Variants in KDELR1 observed in about 807,000 individuals in gnomAD.
KDELR1 encodes KDEL endoplasmic reticulum protein retention receptor 1.
KDELR1 carries 16 observed loss-of-function variants against 25.5 expected under a neutral mutation model. The ratio of observed to expected loss-of-function variants is 0.63; its 90% CI spans 0.43 to 0.95. The LOEUF (loss-of-function observed/expected upper bound fraction) is 0.95, where lower values mean the gene tolerates loss of function less well. Ranked by LOEUF, KDELR1 falls within the 40% of genes least tolerant of loss-of-function variation. The probability of loss-of-function intolerance (pLI) is 0.00; values close to 1 mark genes in which losing one functional copy is unlikely to be tolerated. For synonymous variants in KDELR1, 121 were observed against 115.0 expected, an observed-to-expected ratio of 1.05 and a Z score of -0.33; for missense variants, 159 against 265.2, an observed-to-expected ratio of 0.60 and a Z score of 2.78.
Position 48,384,474 on chromosome 19 carries a change from C to A in KDELR1, c.360G>T (p.Trp120Cys). 1 of 1,612,840 alleles carries A rather than the reference C, an allele frequency of 6.2e-7. No homozygotes were observed. Among genetic ancestry groups the A allele is most frequent in the Non-Finnish European group, 8.5e-7 (1 of 1,179,532 alleles). The change falls in exon 4 of 5, where the codon TGG (tryptophan) becomes TGT (cysteine). Residue 120 changes from tryptophan to cysteine, a missense_variant. By Grantham distance (215) the Trp-to-Cys change is radical. Transcript: ENST00000330720. This position sits in a 1 kb window ranked among gnomAD's most constrained non-coding sequence, Gnocchi z 4.6. ...CTGACTCCAGGTAGATGGAGAAGGT[C>A]CAGAGGATCTGCAGAGAGGCCGGGG... ...NHDFTPLEILWTFSIYLESVA... is the reference protein window; with the variant it reads ...NHDFTPLEILCTFSIYLESVA...
At chr19:48,396,888 G>GC in the KDELR1 span, among the ~76,000 whole-genome samples, 1 of 152,076 alleles carries the variant, frequency 6.6e-6, no homozygotes, top group Non-Finnish European at 1.5e-5. Context: ...CCTTCTGGAA[G>GC]CCCCTAGTGC....
Position 48,384,155 on chromosome 19 carries a change from A to C in KDELR1, c.604+75T>G. The stretch of plus-strand genomic sequence containing the variant: ...TTCTTTGCATAATACAGGGGTAAGG[A>C]GACCCCAGTCCCCAGGGAGGGCAGG... On this transcript the variant is annotated intron_variant, in intron 4 of 4. Transcript: ENST00000330720. The surrounding 1 kb of genome is among the most constrained non-coding windows in gnomAD (Gnocchi z 4.6). 1.9e-6 allele frequency: 3 copies of C among 1,559,048 alleles called. No individual in the cohort carries two copies. The highest frequency in any genetic ancestry group is 2.6e-6 in the Non-Finnish European group (3 of 1,139,854).
At chr19:48,394,231 GA>G (rs1388258719), upstream of KDELR1, among the ~76,000 whole-genome samples, 3 of 151,974 alleles carry the variant, frequency 2.0e-5, no homozygotes, top group Admixed American at 2.0e-4. This position sits in a 1 kb window ranked among gnomAD's most constrained non-coding sequence, Gnocchi z 5.1. Context: ...TGGGGGTGTT[GA>G]GGGGGAATCC....
At chr19:48,395,554 G>A (rs777245371), upstream of KDELR1, among the ~76,000 whole-genome samples, 2 of 152,006 alleles carry the variant, frequency 1.3e-5, no homozygotes, top group Non-Finnish European at 2.9e-5. Flanking sequence ...AGCACAACTC[G>A]AGGTTGTGGG....
upstream of KDELR1, among the ~76,000 whole-genome samples, chr19:48,394,341 G>T (rs1236725048): frequency 6.6e-6 from 1 of 151,252 alleles, no homozygotes; most frequent in Non-Finnish European, 1.5e-5. This position sits in a 1 kb window ranked among gnomAD's most constrained non-coding sequence, Gnocchi z 5.1. Context: ...GTGGCCAAGC[G>T]AGGAAGGGGC....
upstream of KDELR1, among the ~76,000 whole-genome samples, chr19:48,392,716 C>T (rs1176435526): frequency 1.3e-5 from 2 of 152,204 alleles, no homozygotes; most frequent in Non-Finnish European, 2.9e-5. Flanking sequence ...CTGACCCAAA[C>T]TACCTCAGGA....
chr19:48,389,814 AC>A (rs1351785975), intron 2 of KDELR1, 103 bp from the exon 3 acceptor site: 1 of 1,155,860 alleles, frequency 8.7e-7, no homozygotes, highest in Non-Finnish European at 1.2e-6. Flanking sequence ...AGGAGTCCAG[AC>A]CCCCAACCCC....
chr19:48,396,342 G>A (rs900270335), upstream of KDELR1, among the ~76,000 whole-genome samples: 1 of 151,914 alleles, frequency 6.6e-6, no homozygotes, highest in Admixed American at 6.5e-5. Flanking sequence ...AACTGAGCAT[G>A]CAGCCCCCGT....
Position 48,384,667 on chromosome 19 carries a change from G to A in KDELR1, c.352-185C>T, listed in dbSNP as rs979386298. On this transcript the variant is annotated intron_variant, in intron 3 of 4. Transcript: ENST00000330720. This position sits in a 1 kb window ranked among gnomAD's most constrained non-coding sequence, Gnocchi z 4.6. The stretch of plus-strand genomic sequence containing the variant: ...TCTGATTTAATCATCACCATGGCCC[G>A]GCGAGGAGATCCTATGATTAGCACA... Among the ~76,000 whole-genome samples, 10 of 152,106 alleles carry A rather than the reference G, an allele frequency of 6.6e-5. No individual in the cohort carries two copies. The highest frequency in any genetic ancestry group is 2.2e-4 in the African/African-American group (9 of 41,408).
chr19:48,383,822 T>A (rs1970474417), intron 4 of KDELR1, among the ~76,000 whole-genome samples: 1 of 152,144 alleles, frequency 6.6e-6, no homozygotes, highest in Non-Finnish European at 1.5e-5. Flanking sequence ...TCTTTACTTG[T>A]TCATTCACCA....
chr19:48,383,384 C>G, intron 4 of KDELR1, 57 bp from the exon 5 acceptor site: 2 of 1,464,488 alleles, frequency 1.4e-6, no homozygotes, highest in Non-Finnish European at 1.9e-6. Flanking sequence ...AGGGAGGGGA[C>G]AGCCTCCCAC....
At chr19:48,389,348 C>CTTAG (rs1970522473) in intron 3 of KDELR1, 1 of 595,284 alleles carries the variant, frequency 1.7e-6, no homozygotes, top group East Asian at 2.8e-5. Context: ...AGGTGAAATG[C>CTTAG]TTAGGGTAGT....
At chr19:48,390,886 C>T (rs1403260977) in intron 1 of KDELR1, 2 of 437,688 alleles carry the variant, frequency 4.6e-6, no homozygotes, top group Admixed American at 7.5e-5. Context: ...GGAGGACCTT[C>T]CCTGACCTCA....
upstream of KDELR1, among the ~76,000 whole-genome samples, chr19:48,393,558 G>A (rs536115760): frequency 6.6e-6 from 1 of 152,150 alleles, no homozygotes; most frequent in Non-Finnish European, 1.5e-5. This position sits in a 1 kb window ranked among gnomAD's most constrained non-coding sequence, Gnocchi z 5.6. Context: ...AGCTAGGGGT[G>A]GGGGGCGGCC....
chr19:48,390,968 A>C (rs1600959852), intron 1 of KDELR1: 1 of 493,466 alleles, frequency 2.0e-6, no homozygotes, highest in Admixed American at 3.4e-5. Flanking sequence ...ACTCACAGCC[A>C]CCTCCCCGCC....
chr19:48,394,183 G>C (rs1366510668), upstream of KDELR1, among the ~76,000 whole-genome samples: 5 of 151,870 alleles, frequency 3.3e-5, no homozygotes, highest in Non-Finnish European at 5.9e-5. The surrounding 1 kb of genome is among the most constrained non-coding windows in gnomAD (Gnocchi z 5.1). Flanking sequence ...CCCCCACTCT[G>C]TGTGTGTGTG....
upstream of KDELR1, among the ~76,000 whole-genome samples, chr19:48,394,602 G>A (rs1409484906): frequency 1.3e-5 from 2 of 152,020 alleles, no homozygotes; most frequent in African/African-American, 2.4e-5. This position sits in a 1 kb window ranked among gnomAD's most constrained non-coding sequence, Gnocchi z 5.1. Context: ...CCACGGGGTC[G>A]GGGCGGCAAG....
Position 48,389,637 on chromosome 19 carries a change from G to C in KDELR1, c.267C>G (p.Asn89Lys). 6.2e-7 allele frequency: 1 copy of C among 1,614,162 alleles called. No individual in the cohort carries two copies. Among genetic ancestry groups the C allele is most frequent in the South Asian group, 1.1e-5 (1 of 91,082 alleles). Reference protein sequence around the residue: ...YSKFKATYDGNHDTFRVEFLV... With the variant: ...YSKFKATYDGKHDTFRVEFLV... ...GGAACTCCACTCTGAACGTGTCATG[G>C]TTCCCATCGTAAGTAGCTTTGAACT... is the stretch of plus-strand genomic sequence containing the variant. Residue 89 changes from asparagine (N) to lysine (K), a missense_variant, in exon 3 of 5, where the codon AAC becomes AAG. By Grantham distance (94) the Asn-to-Lys change is moderately conservative. Coordinates refer to ENST00000330720, the MANE Select transcript of KDELR1 (RefSeq NM_006801.3).
upstream of KDELR1, among the ~76,000 whole-genome samples, chr19:48,393,752 G>A (rs1361673357): frequency 2.0e-5 from 3 of 152,034 alleles, no homozygotes; most frequent in Non-Finnish European, 4.4e-5. The surrounding 1 kb of genome is among the most constrained non-coding windows in gnomAD (Gnocchi z 5.6). Context: ...GGCCGCCGCC[G>A]CCACCCTCGC....
Sources: allele counts gnomAD v4.1 joint callset (sites outside exome capture counted in the v4.1 genomes callset), GRCh38; gene constraint gnomAD v4.1.1; non-coding constraint Gnocchi (gnomAD v3.1); transcripts MANE v1.5; gene names NCBI Gene and HGNC (gene_info 2026-07-23, HGNC 2026-07-21).